The following NBPF20 variants were observed in gnomAD, a reference collection of about 807,000 sequenced individuals.
NBPF20 encodes NBPF member 20.
A neutral mutation model predicts 68.1 loss-of-function variants in NBPF20; 90 were observed. The ratio of observed to expected loss-of-function variants is 1.32; its 90% CI spans 1.11 to 1.58. The LOEUF (loss-of-function observed/expected upper bound fraction) is 1.58. NBPF20 is among the 40% of genes most tolerant of loss of function. The pLI is 0.00. For synonymous variants in NBPF20, 290 were observed against 228.1 expected (o/e 1.27, Z -2.45); for missense variants, 816 against 601.2 (o/e 1.36, Z -3.74).
rs1186173350 is a variant in NBPF20, at chr1:145,403,200, C to T, written c.278+16G>A. The T allele has an allele frequency of 5.6e-6, 9 of 1,612,316 alleles. No individual in the cohort carries two copies. Among genetic ancestry groups the T allele is most frequent in the South Asian group, 3.3e-5 (3 of 91,008 alleles). ...ACACACCTGCCCCCCTGCCTGCCAC[C>T]ATGGGGTCCCCTCACCTGAGCTCCT... On this transcript the variant is annotated intron_variant, in intron 3 of 137. Coordinates refer to ENST00000369373, the Ensembl canonical transcript of NBPF20.
chr1:145,425,451 C>T, the NBPF20 span, among the ~76,000 whole-genome samples: 2 of 152,040 alleles, frequency 1.3e-5, no homozygotes, highest in East Asian at 1.9e-4. Flanking sequence ...CCACAGGTCG[C>T]CCGTCCCGCG....
the NBPF20 span, among the ~76,000 whole-genome samples, chr1:145,425,506 G>A: frequency 1.3e-5 from 2 of 152,174 alleles, no homozygotes; most frequent in Non-Finnish European, 2.9e-5. Context: ...GCAGCCTCGC[G>A]ACCCTCACCT....
the NBPF20 span, among the ~76,000 whole-genome samples, chr1:145,425,230 A>G: frequency 2.8e-3 from 388 of 138,636 alleles, 2 homozygotes; most frequent in Middle Eastern, 7.5e-3. Context: ...GCCCCCCCCA[A>G]CCCCCCACCC....
rs1661978111 is a variant in NBPF20 at position 145,392,892 on chromosome 1, A to C, written c.1216+182T>G. ...TGAGACTAGGAAGAGAGCCTTGCTC[A>C]CTGACCCATCCCTTGTCTGGGCTTC... On this transcript the variant is annotated intron_variant, in intron 10 of 137. Transcript: ENST00000369373. Among the ~76,000 whole-genome samples, 3 of 92,190 alleles carry C rather than the reference A, an allele frequency of 3.3e-5. 1 individual carries two copies. The highest frequency in any genetic ancestry group is 5.8e-5 in the Non-Finnish European group (3 of 51,968). The allele number at this position is 92,190 out of a possible 152,430, so 60.5% of individuals were successfully genotyped here. A position where few individuals can be genotyped will look rare whatever the true frequency, so the allele number is the denominator to read the frequency against.
At chr1:145,291,436 T>C in exon 138 of NBPF20, 7 of 1,610,930 alleles carry the variant, frequency 4.3e-6, no homozygotes, top group Non-Finnish European at 5.9e-6. Context: ...ATGTCTGGGC[T>C]TCCAAATGGA....
chr1:145,407,410 C>T (rs1345335451), upstream of NBPF20, among the ~76,000 whole-genome samples: 17 of 144,376 alleles, frequency 1.2e-4, no homozygotes, highest in Non-Finnish European at 2.3e-4. Context: ...ATATTATACA[C>T]ATATATACAT....
At chr1:145,394,124 C>T (rs1281929411) in intron 8 of NBPF20, among the ~76,000 whole-genome samples, 189 bp from the exon 14 acceptor site, 82 of 152,038 alleles carry the variant, frequency 5.4e-4, no homozygotes, top group Non-Finnish European at 9.0e-4. Context: ...TTTCATGAGC[C>T]TTGGGCAAAA....
chr1:145,393,989 C>T, intron 8 of NBPF20, 54 bp from the exon 14 acceptor site: 2 of 912,128 alleles, frequency 2.2e-6, no homozygotes, highest in East Asian at 2.4e-5. Context: ...TCCTTGCACA[C>T]AGAAACATTC....
chr1:145,424,567 A>G, the NBPF20 span, among the ~76,000 whole-genome samples: 1 of 152,232 alleles, frequency 6.6e-6, no homozygotes, highest in African/African-American at 2.4e-5. Flanking sequence ...AACCCAAAGA[A>G]AAGGTATCAC....
chr1:145,402,855 GCAGT>G (rs1308983282), intron 3 of NBPF20, among the ~76,000 whole-genome samples: 2 of 151,020 alleles, frequency 1.3e-5, no homozygotes, highest in African/African-American at 2.4e-5. Context: ...ATGAGAAGCC[GCAGT>G]CAGTCAGGAG....
At chr1:145,292,639 G>A (rs1661211876) in intron 136 of NBPF20, 150 bp from the exon 142 acceptor site, 7 of 732,202 alleles carry the variant, frequency 9.6e-6, no homozygotes, top group Admixed American at 5.8e-5. Flanking sequence ...CCTGAAGGCT[G>A]TTCATGATAG....
Position 145,395,045 on chromosome 1 carries a change from G to T in NBPF20, c.924C>A (p.Tyr308Ter). 4 of 1,611,502 alleles carry T rather than the reference G, an allele frequency of 2.5e-6. No homozygotes were observed. Among genetic ancestry groups the T allele is most frequent in the South Asian group, 2.2e-5 (2 of 90,970 alleles). The change falls in exon 8 of 138, where the codon TAC (tyrosine) becomes TAA (stop). Residue 308 changes from tyrosine (Y) to a stop codon, truncating the protein, a stop_gained. Transcript: ENST00000369373. LOFTEE classifies it high-confidence loss of function. The stretch of plus-strand genomic sequence containing the variant: ...AGTGAAATGTGCTGCTGTAAGACTG[G>T]TACGAGGCCAACATTTCAGGAGGAA...
chr1:145,397,325 A>T (rs1662299079), intron 7 of NBPF20, among the ~76,000 whole-genome samples: 1 of 152,128 alleles, frequency 6.6e-6, no homozygotes, highest in Non-Finnish European at 1.5e-5. Flanking sequence ...CTAGTTCTAG[A>T]TCCCTGAGGA....
chr1:145,404,293 C>A (rs1248329683), intron 2 of NBPF20, among the ~76,000 whole-genome samples: 1 of 151,760 alleles, frequency 6.6e-6, no homozygotes, highest in Non-Finnish European at 1.5e-5. Flanking sequence ...GAGTCTTGCC[C>A]TGTCACCCAT....
At chr1:145,393,845 T>C (rs1361229323) in intron 9 of NBPF20, 39 bp downstream of exon 14, 3 of 1,452,372 alleles carry the variant, frequency 2.1e-6, no homozygotes, top group Admixed American at 3.3e-5. Context: ...TCTCCAGGTG[T>C]CAACATCAAA....
chr1:145,410,906 T>TAC, the NBPF20 span, among the ~76,000 whole-genome samples: 1 of 126,596 alleles, frequency 7.9e-6, no homozygotes, highest in Non-Finnish European at 1.6e-5. Context: ...CACACACGTT[T>TAC]GTGTGTGTGT....
chr1:145,306,300 G>T (rs1161906182), intron 119 of NBPF20, among the ~76,000 whole-genome samples: 14 of 140,172 alleles, frequency 1.0e-4, no homozygotes, highest in South Asian at 2.4e-4. Flanking sequence ...CACACACACA[G>T]ACACACACAC....
In NBPF20 at chr1:145,392,938, T is replaced by C. The variant is rs1164971430; in HGVS notation, c.1216+136A>G. 2.6e-4 allele frequency: 92 copies of C among 360,432 alleles called. 1 individual carries two copies. In the African/African-American group the frequency reaches 3.8e-3, roughly 15 times the overall value. The allele number at this position is 360,432 out of a possible 1,614,324, so 22.3% of individuals were successfully genotyped here. A position where few individuals can be genotyped will look rare whatever the true frequency, so the allele number is the denominator to read the frequency against. On this transcript the variant is annotated intron_variant, in intron 10 of 137. Coordinates refer to ENST00000369373, the Ensembl canonical transcript of NBPF20. ...GCTTCCAAGTGGAACTAGAGTTTCA[T>C]TCAACCTACATGTGCCTATAGGACC...
chr1:145,394,783 G>C (rs1248754754), intron 8 of NBPF20, among the ~76,000 whole-genome samples, 195 bp downstream of exon 13: 10 of 152,154 alleles, frequency 6.6e-5, no homozygotes, highest in African/African-American at 2.2e-4. Context: ...ACTAGGAAGA[G>C]AGCAAAGCTC....
Sources: gnomAD v4.1 joint callset for allele counts (sites outside exome capture counted in the v4.1 genomes callset) on GRCh38, gnomAD v4.1.1 for gene constraint, MANE v1.5 for transcripts, NCBI Gene and HGNC (gene_info 2026-07-23, HGNC 2026-07-21) for gene names.